RIT2: variants seen among roughly 807,000 people sequenced by gnomAD.
The protein encoded by RIT2 is Ras like without CAAX 2.
RIT2 carries 24 observed loss-of-function variants against 23.7 expected under a neutral mutation model. The observed-to-expected ratio is 1.01, with a 90% confidence interval of 0.73 to 1.43. The LOEUF (loss-of-function observed/expected upper bound fraction) is 1.43, where lower values mean the gene tolerates loss of function less well. RIT2 is among the 40% of genes most tolerant of loss of function. The probability of loss-of-function intolerance (pLI) is 0.00; values close to 1 mark genes in which losing one functional copy is unlikely to be tolerated. For synonymous variants in RIT2, 107 were observed against 91.1 expected (o/e 1.17, Z -0.99); for missense variants, 236 against 266.9 (o/e 0.88, Z 0.81).
At chr18:42,789,308 T>G (rs993051015) in intron 4 of RIT2, among the ~76,000 whole-genome samples, 5 of 152,232 alleles carry the variant, frequency 3.3e-5, no homozygotes, top group African/African-American at 1.2e-4. Flanking sequence ...CCGTGGTCCG[T>G]AGGCTACACT....
intron 4 of RIT2, among the ~76,000 whole-genome samples, chr18:42,914,642 A>G (rs1416534730): frequency 1.3e-5 from 2 of 152,022 alleles, no homozygotes; most frequent in African/African-American, 4.8e-5. Context: ...GGGTTGGGAT[A>G]GGAAGGGGAT....
intron 2 of RIT2, among the ~76,000 whole-genome samples, chr18:43,025,015 C>A (rs538759101): frequency 6.6e-6 from 1 of 152,006 alleles, no homozygotes; most frequent in South Asian, 2.1e-4. Flanking sequence ...CAAAACTAGT[C>A]TGGCCAACAT....
chr18:43,098,439 A>G (rs552585179), intron 1 of RIT2, among the ~76,000 whole-genome samples: 3 of 151,982 alleles, frequency 2.0e-5, no homozygotes, highest in East Asian at 3.9e-4. Flanking sequence ...TTTTCACCCT[A>G]GATAAAGAGA....
At chr18:42,857,107 A>T (rs1907206952) in intron 4 of RIT2, among the ~76,000 whole-genome samples, 1 of 144,966 alleles carries the variant, frequency 6.9e-6, no homozygotes, top group Non-Finnish European at 1.5e-5. Flanking sequence ...GGCGTGAGCC[A>T]GCAGGCCCGG....
intron 4 of RIT2, among the ~76,000 whole-genome samples, chr18:42,801,924 G>C (rs1487001580): frequency 2.0e-5 from 3 of 152,328 alleles, no homozygotes; most frequent in Admixed American, 2.0e-4. Flanking sequence ...GGAAAACTGG[G>C]CTTCTGCTCA....
intron 4 of RIT2, among the ~76,000 whole-genome samples, chr18:42,779,547 A>G (rs1913756979): frequency 6.6e-6 from 1 of 152,198 alleles, no homozygotes. Flanking sequence ...AATAGTCTTG[A>G]ATGAAATCTT....
At chr18:42,880,612 T>C (rs1568019950) in intron 4 of RIT2, among the ~76,000 whole-genome samples, 1 of 152,130 alleles carries the variant, frequency 6.6e-6, no homozygotes, top group Non-Finnish European at 1.5e-5. Context: ...AACATAATTA[T>C]ATTCCTTAGA....
Position 42,995,939 on chromosome 18 carries a change from A to G in RIT2, c.161-21792T>C, listed in dbSNP as rs539104749. On this transcript the variant is annotated intron_variant, in intron 2 of 4. Coordinates refer to ENST00000326695, the MANE Select transcript of RIT2 (RefSeq NM_002930.4). ...CTGGTTTACACTGTTTCTCCAAGCC[A>G]TCATAGCTGATATCTCCTGGTGCTA... Among the ~76,000 whole-genome samples, 6 of 150,946 alleles carry G rather than the reference A, an allele frequency of 4.0e-5. No homozygotes were observed. The East Asian group carries it at 1.2e-3, about 29-fold the overall frequency.
At chr18:43,023,106 T>C (rs1911634567) in intron 2 of RIT2, among the ~76,000 whole-genome samples, 1 of 152,058 alleles carries the variant, frequency 6.6e-6, no homozygotes, top group Admixed American at 6.6e-5. Flanking sequence ...ACTGATTCAA[T>C]ACCAAACAGG....
intron 1 of RIT2, among the ~76,000 whole-genome samples, chr18:43,100,562 T>C (rs1404614915): frequency 6.6e-6 from 1 of 152,144 alleles, no homozygotes; most frequent in Non-Finnish European, 1.5e-5. Context: ...GGAGAAGGGC[T>C]AGTGCAAAAC....
At chr18:42,910,224 T>C (rs994792262) in intron 4 of RIT2, among the ~76,000 whole-genome samples, 1 of 151,892 alleles carries the variant, frequency 6.6e-6, no homozygotes, top group Non-Finnish European at 1.5e-5. Context: ...AAACAAATAA[T>C]AAAAAGGCAG....
chr18:43,100,372 G>C (rs909794936), intron 1 of RIT2, among the ~76,000 whole-genome samples: 1 of 152,144 alleles, frequency 6.6e-6, no homozygotes, highest in Admixed American at 6.6e-5. Context: ...GAAGTAGAGA[G>C]AGCAAGAGGG....
chr18:43,040,102 T>C (rs1912093191), intron 1 of RIT2, among the ~76,000 whole-genome samples: 1 of 152,132 alleles, frequency 6.6e-6, no homozygotes, highest in Non-Finnish European at 1.5e-5. Flanking sequence ...TTCCAAAAGA[T>C]TTTAAAGTTC....
At chr18:42,763,957 A>C (rs2143904611) in intron 4 of RIT2, among the ~76,000 whole-genome samples, 1 of 152,338 alleles carries the variant, frequency 6.6e-6, no homozygotes, top group South Asian at 2.1e-4. Context: ...CTTCACTATA[A>C]TCTTATGGGA....
chr18:43,002,751 A>T (rs909812030), intron 2 of RIT2, among the ~76,000 whole-genome samples: 1 of 151,984 alleles, frequency 6.6e-6, no homozygotes, highest in Admixed American at 6.6e-5. Flanking sequence ...TCCCCCAAAG[A>T]TGACTAAGTC....
At chr18:42,783,485 G>A (rs909016944) in intron 4 of RIT2, among the ~76,000 whole-genome samples, 3 of 151,996 alleles carry the variant, frequency 2.0e-5, no homozygotes, top group African/African-American at 7.2e-5. Flanking sequence ...TAAAGAATTA[G>A]GTGGTTTTCA....
intron 1 of RIT2, among the ~76,000 whole-genome samples, chr18:43,094,397 C>G (rs1276307633): frequency 6.6e-6 from 1 of 151,706 alleles, no homozygotes; most frequent in Admixed American, 6.6e-5. Context: ...CATACATTGT[C>G]TATATATTTT....
At chr18:42,967,803 C>G (rs2144195730) in intron 3 of RIT2, among the ~76,000 whole-genome samples, 1 of 151,194 alleles carries the variant, frequency 6.6e-6, no homozygotes, top group South Asian at 2.1e-4. Flanking sequence ...ATTATTATAC[C>G]TAGCTGCTTG....
intron 4 of RIT2, among the ~76,000 whole-genome samples, chr18:42,755,989 G>T (rs182410930): frequency 5.9e-5 from 9 of 152,126 alleles, no homozygotes; most frequent in African/African-American, 1.9e-4. Context: ...GATGCTGGGG[G>T]AATAGGAAGG....
Sources: allele counts gnomAD v4.1 joint callset (sites outside exome capture counted in the v4.1 genomes callset), GRCh38; gene constraint gnomAD v4.1.1; transcripts MANE v1.5; gene names NCBI Gene and HGNC (gene_info 2026-07-23, HGNC 2026-07-21).